Variants in GPD1L observed in about 807,000 individuals in gnomAD.
GPD1L encodes glycerol-3-phosphate dehydrogenase 1-like protein.
Under a neutral mutation model 32.9 loss-of-function variants are expected in GPD1L, and 17 were observed. The ratio of observed to expected loss-of-function variants is 0.52; its 90% CI spans 0.35 to 0.78. The LOEUF is 0.78. GPD1L is among the 30% of genes least tolerant of loss of function. The probability of loss-of-function intolerance (pLI) is 0.01; values close to 1 mark genes in which losing one functional copy is unlikely to be tolerated. For missense variants in GPD1L, 361 were observed against 447.8 expected, an observed-to-expected ratio of 0.81 and a Z score of 1.75; for synonymous variants, 187 against 165.9, an observed-to-expected ratio of 1.13 and a Z score of -0.98.
Position 32,162,638 on chromosome 3 carries a change from G to A in GPD1L, c.959+2964G>A, listed in dbSNP as rs139728359. Among the ~76,000 whole-genome samples the A allele has an allele frequency of 5.1e-3, 293 of 57,856 alleles. 92 individuals carry two copies. The highest frequency in any genetic ancestry group is 0.03 in the African/African-American group (272 of 9,014). 38.0% of individuals were successfully genotyped at this position (57,856 alleles called of 152,430 possible). On this transcript the variant is annotated intron_variant, in intron 7 of 7. Transcript: ENST00000282541. ...CTGACCTCATGATCCACCCGCCTCG[G>A]CCTCCCAAAGTGCCCTTAATTACCT...
At position 32,165,765 on chromosome 3, in the gene GPD1L, G is replaced by A. The variant is rs750337743; in HGVS notation, c.960-49G>A. On this transcript the variant is annotated intron_variant, in intron 7 of 7. Coordinates refer to ENST00000282541, the MANE Select transcript of GPD1L (RefSeq NM_015141.4). Reference sequence around the variant, plus strand: ...ACAGAAAACCTAACTTATTCTCTGAGGTAAATCCAGTGGCCTAACTTTGTC... The same window carrying A: ...ACAGAAAACCTAACTTATTCTCTGAAGTAAATCCAGTGGCCTAACTTTGTC... 1.7e-5 allele frequency: 16 copies of A among 951,762 alleles called. No individual in the cohort carries two copies. The South Asian group carries it at 1.8e-4, about 11-fold the overall frequency. The allele number at this position is 951,762 out of a possible 1,614,324, so 59.0% of individuals were successfully genotyped here.
chr3:32,111,038 A>G (rs1003437874), intron 1 of GPD1L, among the ~76,000 whole-genome samples: 1 of 152,084 alleles, frequency 6.6e-6, no homozygotes, highest in Non-Finnish European at 1.5e-5. Flanking sequence ...GCTAAGTTTT[A>G]TATTTTTAGT....
chr3:32,140,221 C>T lies in GPD1L; in HGVS notation c.367-7C>T, dbSNP rs1357635871. Reference sequence around the variant, plus strand: ...TGTTCTCTCCTAACTTCTTGGCATCCTTGTAGGGCATAGACGAGGGCCCCG... The same window carrying T: ...TGTTCTCTCCTAACTTCTTGGCATCTTTGTAGGGCATAGACGAGGGCCCCG... On this transcript the variant is annotated splice_polypyrimidine_tract_variant and splice_region_variant and intron_variant, in intron 3 of 7. Coordinates refer to ENST00000282541, the MANE Select transcript of GPD1L (RefSeq NM_015141.4). 7 of 1,613,858 alleles carry T rather than the reference C, an allele frequency of 4.3e-6. No individual in the cohort carries two copies. The highest frequency in any genetic ancestry group is 5.9e-6 in the Non-Finnish European group (7 of 1,179,948).
intron 4 of GPD1L, among the ~76,000 whole-genome samples, chr3:32,145,046 C>T (rs1241469574): frequency 1.3e-5 from 2 of 151,068 alleles, no homozygotes; most frequent in Non-Finnish European, 2.9e-5. Flanking sequence ...GGGCCGGGTG[C>T]GGTGGCTCAT....
chr3:32,149,795 A>C (rs1700884825), intron 5 of GPD1L, among the ~76,000 whole-genome samples: 1 of 152,158 alleles, frequency 6.6e-6, no homozygotes, highest in Non-Finnish European at 1.5e-5. Flanking sequence ...TAAAAAATAC[A>C]AAAATTAGCT....
intron 1 of GPD1L, among the ~76,000 whole-genome samples, chr3:32,107,091 G>A (rs1700175411): frequency 6.6e-6 from 1 of 152,202 alleles, no homozygotes; most frequent in Admixed American, 6.5e-5. Flanking sequence ...TCCTAAGGGC[G>A]TATTCCGTTC....
At chr3:32,140,149 G>A (rs1700719881) in intron 3 of GPD1L, 79 bp from the exon 4 acceptor site, 17 of 1,443,306 alleles carry the variant, frequency 1.2e-5, no homozygotes, top group Admixed American at 1.7e-5. Context: ...TTCAAGTTGT[G>A]TAGCCATGGG....
chr3:32,163,161 C>CTTTTTTTT (rs34385950), intron 7 of GPD1L, among the ~76,000 whole-genome samples: 3 of 78,030 alleles, frequency 3.8e-5, no homozygotes, highest in Non-Finnish European at 6.9e-5. Flanking sequence ...CTGGTTTGTC[C>CTTTTTTTT]TTTTTTTTTT....
chr3:32,155,297 TAGG>T (rs1700972287), intron 5 of GPD1L, among the ~76,000 whole-genome samples: 1 of 151,914 alleles, frequency 6.6e-6, no homozygotes. Flanking sequence ...AGTTGGGAAA[TAGG>T]AGGATAGGTA....
chr3:32,115,232 G>A (rs1291943874), intron 1 of GPD1L, among the ~76,000 whole-genome samples: 1 of 152,090 alleles, frequency 6.6e-6, no homozygotes, highest in African/African-American at 2.4e-5. Context: ...GACACAGAGT[G>A]CTGATTGGTG....
At chr3:32,158,585 A>G in intron 5 of GPD1L, 2 of 565,942 alleles carry the variant, frequency 3.5e-6, no homozygotes, top group Non-Finnish European at 6.3e-6. Context: ...TTGTCCAAAC[A>G]TTATTTAACC....
At chr3:32,129,353 G>A (rs1700555840) in intron 2 of GPD1L, among the ~76,000 whole-genome samples, 1 of 152,212 alleles carries the variant, frequency 6.6e-6, no homozygotes, top group African/African-American at 2.4e-5. Context: ...GAACTGAGCG[G>A]GGGAGACCGA....
chr3:32,159,945 TTG>T (rs1385936757), intron 7 of GPD1L, among the ~76,000 whole-genome samples: 1 of 152,232 alleles, frequency 6.6e-6, no homozygotes, highest in Non-Finnish European at 1.5e-5. Context: ...AGATTCTAGT[TTG>T]TCTCGCAGGG....
chr3:32,115,617 A>T (rs1189816521), intron 1 of GPD1L, among the ~76,000 whole-genome samples: 2 of 152,170 alleles, frequency 1.3e-5, no homozygotes, highest in Admixed American at 1.3e-4. Flanking sequence ...GTCCTGGAGG[A>T]GGAGGAGAAC....
intron 1 of GPD1L, among the ~76,000 whole-genome samples, chr3:32,123,976 G>A (rs1473260046): frequency 1.3e-5 from 2 of 152,182 alleles, no homozygotes; most frequent in East Asian, 3.8e-4. Context: ...TTTGTGGACT[G>A]TAGTCAGTAC....
intron 7 of GPD1L, among the ~76,000 whole-genome samples, chr3:32,160,402 G>A (rs1472165896): frequency 4.6e-5 from 3 of 65,386 alleles, no homozygotes; most frequent in Middle Eastern, 7.0e-3. Context: ...GGGTGCATGG[G>A]TGGATGGGTG....
intron 5 of GPD1L, among the ~76,000 whole-genome samples, chr3:32,157,582 A>G (rs1701012811): frequency 1.3e-5 from 2 of 152,162 alleles, no homozygotes; most frequent in Admixed American, 6.5e-5. Flanking sequence ...TTGAAACGGA[A>G]TTTCAGATTC....
chr3:32,118,126 ACAGGC>A (rs1700357402), intron 1 of GPD1L, among the ~76,000 whole-genome samples: 1 of 152,210 alleles, frequency 6.6e-6, no homozygotes, highest in Non-Finnish European at 1.5e-5. Flanking sequence ...TGGTTGGCTA[ACAGGC>A]CTTGGGACTT....
At chr3:32,146,787 A>G (rs1700837302) in intron 5 of GPD1L, 53 bp downstream of exon 5, 1 of 974,234 alleles carries the variant, frequency 1.0e-6, no homozygotes, top group African/African-American at 1.6e-5. Context: ...TGTTAGCATC[A>G]TTGAGTCTAA....
Sources: allele counts gnomAD v4.1 joint callset (sites outside exome capture counted in the v4.1 genomes callset), GRCh38; gene constraint gnomAD v4.1.1; transcripts MANE v1.5; gene names NCBI Gene and HGNC (gene_info 2026-07-23, HGNC 2026-07-21).